PLXDC2: variants seen among roughly 807,000 people sequenced by gnomAD.
PLXDC2 encodes the protein plexin domain-containing protein 2.
In PLXDC2, 40 loss-of-function variants were observed where a neutral mutation model predicts 68.9. The observed-to-expected ratio is 0.58, with a 90% CI of 0.45 to 0.76. PLXDC2 has a LOEUF of 0.76. PLXDC2 is among the 30% of genes least tolerant of loss of function. The pLI, the probability that PLXDC2 is intolerant of heterozygous loss-of-function variation, is 0.00. For synonymous variants in PLXDC2, 243 were observed against 234.2 expected (o/e 1.04, Z -0.34); for missense variants, 644 against 661.9 (o/e 0.97, Z 0.30).
intron 1 of PLXDC2, among the ~76,000 whole-genome samples, chr10:19,957,109 A>G (rs1834082755): frequency 6.6e-6 from 1 of 152,192 alleles, no homozygotes; most frequent in African/African-American, 2.4e-5. Context: ...AAAGATTTAT[A>G]TGCTTTATTT....
chr10:20,119,210 G>A (rs552685267), intron 4 of PLXDC2, among the ~76,000 whole-genome samples: 36 of 152,256 alleles, frequency 2.4e-4, no homozygotes, highest in Non-Finnish European at 2.4e-4. Context: ...ATTTTCATGC[G>A]TGTCTGTGTG....
chr10:19,988,495 C>T (rs1341363287), intron 1 of PLXDC2, among the ~76,000 whole-genome samples: 1 of 151,906 alleles, frequency 6.6e-6, no homozygotes, highest in African/African-American at 2.4e-5. Flanking sequence ...TCTCAAGTTT[C>T]AAAAATATAT....
At chr10:19,962,156 G>A (rs886111981) in intron 1 of PLXDC2, among the ~76,000 whole-genome samples, 2 of 152,020 alleles carry the variant, frequency 1.3e-5, no homozygotes, top group Non-Finnish European at 2.9e-5. Context: ...CTTGTTTCAG[G>A]AAATAAAGGG....
At chr10:19,959,992 A>G (rs753922359) in intron 1 of PLXDC2, among the ~76,000 whole-genome samples, 3 of 152,052 alleles carry the variant, frequency 2.0e-5, no homozygotes, top group African/African-American at 7.2e-5. Context: ...TCCCTCCCCA[A>G]TCACTCACAC....
At chr10:20,127,318 T>A (rs1042160475) in intron 4 of PLXDC2, among the ~76,000 whole-genome samples, 1 of 152,166 alleles carries the variant, frequency 6.6e-6, no homozygotes, top group Non-Finnish European at 1.5e-5. Flanking sequence ...AGAGATGAGA[T>A]CTTTGTCTTT....
chr10:20,253,761 T>C (rs1486128895), intron 13 of PLXDC2, among the ~76,000 whole-genome samples: 1 of 152,192 alleles, frequency 6.6e-6, no homozygotes, highest in African/African-American at 2.4e-5. Context: ...GAGTTTCGTA[T>C]TATTCTCTTT....
At chr10:19,916,721 T>A (rs1273711893) in intron 1 of PLXDC2, among the ~76,000 whole-genome samples, 1 of 152,136 alleles carries the variant, frequency 6.6e-6, no homozygotes, top group Non-Finnish European at 1.5e-5. Context: ...GAACTCAAAC[T>A]TTTCCCCATA....
At chr10:19,871,763 G>A (rs920562954) in intron 1 of PLXDC2, among the ~76,000 whole-genome samples, 14 of 151,876 alleles carry the variant, frequency 9.2e-5, no homozygotes, top group African/African-American at 3.1e-4. Context: ...GTGGGTGCCT[G>A]TAATCCCAGC....
intron 1 of PLXDC2, among the ~76,000 whole-genome samples, chr10:19,940,999 G>A (rs1887034): frequency 0.49 from 75,123 of 151,928 alleles, 19,915 homozygotes; most frequent in South Asian, 0.75. Flanking sequence ...CTTTAATTTT[G>A]TAAGTAAATA....
chr10:20,171,690 T>G (rs1253422911), intron 7 of PLXDC2, among the ~76,000 whole-genome samples: 1 of 152,180 alleles, frequency 6.6e-6, no homozygotes, highest in Non-Finnish European at 1.5e-5. Context: ...TTTCTAAAAT[T>G]TTTATGAACA....
chr10:20,275,638 C>T (rs1282420460), intron 13 of PLXDC2, among the ~76,000 whole-genome samples: 1 of 151,870 alleles, frequency 6.6e-6, no homozygotes, highest in Non-Finnish European at 1.5e-5. Flanking sequence ...AAGGGTCGGG[C>T]GCTTTGGCTC....
intron 13 of PLXDC2, among the ~76,000 whole-genome samples, chr10:20,248,384 A>G (rs1260036329): frequency 6.6e-6 from 1 of 152,204 alleles, no homozygotes; most frequent in Non-Finnish European, 1.5e-5. Context: ...GAGATAATTT[A>G]GTTCTATACT....
chr10:20,119,500 T>C (rs1350855499), intron 4 of PLXDC2, among the ~76,000 whole-genome samples: 2 of 149,834 alleles, frequency 1.3e-5, no homozygotes, highest in Non-Finnish European at 3.0e-5. Flanking sequence ...TTTCACTTCT[T>C]TTGTGGTGGA....
At chr10:19,838,687 T>G (rs1265299319) in intron 1 of PLXDC2, among the ~76,000 whole-genome samples, 1 of 152,236 alleles carries the variant, frequency 6.6e-6, no homozygotes, top group Admixed American at 6.5e-5. Flanking sequence ...ATCTGAATTA[T>G]GCTTAATTGA....
Position 20,171,726 on chromosome 10 carries a change from G to A in PLXDC2, c.884-5273G>A, listed in dbSNP as rs116720597. Among the ~76,000 whole-genome samples, 684 of 151,978 alleles carry A rather than the reference G, an allele frequency of 4.5e-3. 9 individuals carry two copies. Among genetic ancestry groups the A allele is most frequent in the African/African-American group, 0.016 (656 of 41,462 alleles). On this transcript the variant is annotated intron_variant, in intron 7 of 13. Coordinates refer to ENST00000377252, the MANE Select transcript of PLXDC2 (RefSeq NM_032812.9). The stretch of plus-strand genomic sequence containing the variant: ...GGGAAGGCTTTCTTCATGGACTTGT[G>A]GTTAAATTCTTTCTTTTATTTCATT...
chr10:20,132,155 C>A (rs1157318235), intron 4 of PLXDC2, among the ~76,000 whole-genome samples: 1 of 152,146 alleles, frequency 6.6e-6, no homozygotes, highest in Non-Finnish European at 1.5e-5. Flanking sequence ...GCAAATGCTT[C>A]CAATTTTCCT....
At chr10:20,245,740 T>C (rs897659493) in intron 13 of PLXDC2, among the ~76,000 whole-genome samples, 3 of 152,202 alleles carry the variant, frequency 2.0e-5, no homozygotes, top group Middle Eastern at 3.2e-3. Context: ...TAAACTATCT[T>C]GTCTTTCTAA....
intron 2 of PLXDC2, among the ~76,000 whole-genome samples, chr10:20,009,510 G>T (rs74632300): frequency 0.016 from 2,423 of 152,096 alleles, 72 homozygotes; most frequent in African/African-American, 0.055. Flanking sequence ...ACCTCCAAGT[G>T]TATTGAAATC....
At chr10:20,020,558 T>G (rs1044092234) in intron 2 of PLXDC2, among the ~76,000 whole-genome samples, 9 of 152,034 alleles carry the variant, frequency 5.9e-5, no homozygotes, top group South Asian at 2.1e-4. Context: ...TCATGAGAGA[T>G]ATATATATAT....
Sources: allele counts gnomAD v4.1 joint callset (sites outside exome capture counted in the v4.1 genomes callset), GRCh38; gene constraint gnomAD v4.1.1; transcripts MANE v1.5; gene names NCBI Gene and HGNC (gene_info 2026-07-23, HGNC 2026-07-21).